The following REPS1 variants were observed in gnomAD, a reference collection of about 807,000 sequenced individuals.
REPS1 encodes the protein ralBP1-associated Eps domain-containing protein 1.
A neutral mutation model predicts 100.9 loss-of-function variants in REPS1; 39 were observed. That is an observed-to-expected ratio of 0.39 (90% CI 0.30 to 0.50). The LOEUF (loss-of-function observed/expected upper bound fraction) is 0.50. Among genes scored for constraint, REPS1 ranks in the 20% least tolerant of loss-of-function variants. The probability of loss-of-function intolerance (pLI) is 0.86; values close to 1 mark genes in which losing one functional copy is unlikely to be tolerated. For missense variants in REPS1, 821 were observed against 968.5 expected (o/e 0.85, Z 2.02); for synonymous variants, 324 against 340.3 (o/e 0.95, Z 0.53).
chr6:138,940,515 G>A (rs1782166759), intron 8 of REPS1, among the ~76,000 whole-genome samples: 1 of 152,072 alleles, frequency 6.6e-6, no homozygotes, highest in Non-Finnish European at 1.5e-5. Context: ...GGGAGGCCAA[G>A]GCGGGCAGAT....
intron 1 of REPS1, 36 bp downstream of exon 1, chr6:138,987,494 C>T: frequency 6.5e-7 from 1 of 1,531,672 alleles, no homozygotes; most frequent in East Asian, 2.5e-5. Context: ...TGACTGCAGG[C>T]CTAAGCCGCC....
intron 1 of REPS1, among the ~76,000 whole-genome samples, chr6:138,986,819 C>T (rs545230241): frequency 6.6e-6 from 1 of 152,292 alleles, no homozygotes; most frequent in South Asian, 2.1e-4. Context: ...AGGGTTTGCT[C>T]CTCCAGGGCT....
intron 9 of REPS1, chr6:138,927,894 A>G (rs1177103403): frequency 6.6e-6 from 1 of 152,208 alleles, no homozygotes; most frequent in Non-Finnish European, 1.5e-5. Context: ...CACAGAAGGA[A>G]GTTTTAAAAT....
At chr6:138,963,363 G>C (rs75551440) in intron 1 of REPS1, among the ~76,000 whole-genome samples, 205 of 152,146 alleles carry the variant, frequency 1.3e-3, no homozygotes, top group African/African-American at 4.6e-3. Flanking sequence ...AAGCTCCTTG[G>C]GGGCAGGACT....
At chr6:138,947,390 CA>C (rs1162833387) in intron 2 of REPS1, among the ~76,000 whole-genome samples, 1 of 151,976 alleles carries the variant, frequency 6.6e-6, no homozygotes, top group Non-Finnish European at 1.5e-5. Flanking sequence ...AACAAACAAA[CA>C]AAAATACAAA....
rs1582684104 is a variant in REPS1 at position 138,904,546 on chromosome 6, T to A, written c.*518A>T. ...GTAAAAGAGGCTTCAATGTACCACA[T>A]GATTTGTGAAGAATGTAGACGGCTG... On this transcript the variant is annotated 3_prime_UTR_variant, in exon 20 of 20. Transcript: ENST00000450536. 6.6e-6 allele frequency: 1 copy of A among 152,364 alleles called. No individual in the cohort carries two copies. The highest frequency in any genetic ancestry group is 1.5e-5 in the Non-Finnish European group (1 of 68,032). The allele number at this position is 152,364 out of a possible 1,614,324, so 9.4% of individuals were successfully genotyped here.
intron 8 of REPS1, among the ~76,000 whole-genome samples, chr6:138,935,859 G>GT (rs1781784079): frequency 8.8e-6 from 1 of 113,686 alleles, no homozygotes; most frequent in Non-Finnish European, 1.8e-5. Flanking sequence ...ATCTTGGCGG[G>GT]GGGGGGGGGC....
At chr6:138,977,345 G>C (rs1274073128) in intron 1 of REPS1, among the ~76,000 whole-genome samples, 1 of 152,088 alleles carries the variant, frequency 6.6e-6, no homozygotes, top group East Asian at 1.9e-4. Flanking sequence ...TTAGCATGTT[G>C]TTATTACAGA....
chr6:138,943,995 A>G lies in REPS1; in HGVS notation c.774T>C (p.Thr258=), dbSNP rs767747848. The G allele has an allele frequency of 1.9e-6, 3 of 1,613,842 alleles. No homozygotes were observed. The African/African-American group carries it at 4.0e-5, about 22-fold the overall frequency. ...CAATGGCAGTTGTAGCTGATGCTAC[A>G]GTTCGTACTGTTGTCTGGTCCTGTA... The part of the protein sequence containing the change: ...ASVQDQTTVR[T]VASATTAIEI... Residue 258 remains threonine (T), a synonymous_variant, in exon 6 of 20, where the codon ACT becomes ACC. Transcript: ENST00000450536.
intron 19 of REPS1, 178 bp downstream of exon 19, chr6:138,907,311 AAAGTGT>A: frequency 1.4e-5 from 2 of 143,750 alleles, no homozygotes; most frequent in East Asian, 5.9e-5. Flanking sequence ...AAAAAAAAAA[AAAGTGT>A]GTGTGTGTGT....
chr6:138,976,220 G>A (rs1484605828), intron 1 of REPS1, among the ~76,000 whole-genome samples: 1 of 152,004 alleles, frequency 6.6e-6, no homozygotes, highest in Non-Finnish European at 1.5e-5. Context: ...ATGATTTCTT[G>A]TTTCAAGGAT....
In REPS1 at chr6:138,976,186, T is replaced by C. The variant is rs542634823; in HGVS notation, c.153+11344A>G. On this transcript the variant is annotated intron_variant, in intron 1 of 19. Transcript: ENST00000450536. ...CACAAATGAGACACCAAAAAAAAAC[T>C]AGTATACTCTTAGTTTCCAGACAAT... 2.2e-4 allele frequency among the ~76,000 whole-genome samples: 34 copies of C among 152,244 alleles called. 1 individual carries two copies. The South Asian group carries it at 7.0e-3, about 32-fold the overall frequency.
chr6:138,916,725 T>C (rs1334223995), intron 13 of REPS1, among the ~76,000 whole-genome samples: 1 of 152,192 alleles, frequency 6.6e-6, no homozygotes, highest in East Asian at 1.9e-4. Context: ...GCAGAGGCCA[T>C]CTCATTTTAG....
chr6:138,986,974 A>G (rs1305812639), intron 1 of REPS1, among the ~76,000 whole-genome samples: 1 of 152,184 alleles, frequency 6.6e-6, no homozygotes, highest in Non-Finnish European at 1.5e-5. Flanking sequence ...TCTACAGATA[A>G]TTACAACTTC....
chr6:138,977,731 T>C (rs1472928702), intron 1 of REPS1, among the ~76,000 whole-genome samples: 4 of 152,238 alleles, frequency 2.6e-5, no homozygotes, highest in Admixed American at 2.0e-4. Context: ...TCTTTATTTG[T>C]ACAGGTATTT....
chr6:138,925,309 G>A (rs1157205460), intron 10 of REPS1, among the ~76,000 whole-genome samples: 3 of 152,158 alleles, frequency 2.0e-5, no homozygotes, highest in African/African-American at 7.2e-5. Flanking sequence ...AGAGGTTGCA[G>A]TGAGCTGAGA....
At chr6:138,954,791 G>C (rs1487438258) in intron 1 of REPS1, among the ~76,000 whole-genome samples, 1 of 152,172 alleles carries the variant, frequency 6.6e-6, no homozygotes, top group East Asian at 1.9e-4. Flanking sequence ...AAAGCAACTT[G>C]TAATAAAGCT....
intron 10 of REPS1, among the ~76,000 whole-genome samples, chr6:138,923,806 A>C (rs1018657385): frequency 2.6e-5 from 4 of 152,194 alleles, no homozygotes; most frequent in African/African-American, 4.8e-5. Flanking sequence ...GGAACTTTGC[A>C]CTGACTTTTA....
chr6:138,963,821 A>G (rs1200246351), intron 1 of REPS1, among the ~76,000 whole-genome samples: 1 of 152,188 alleles, frequency 6.6e-6, no homozygotes, highest in Non-Finnish European at 1.5e-5. Context: ...TTCTTTCCTT[A>G]CAAAAACAAC....
Sources: gnomAD v4.1 joint callset for allele counts (sites outside exome capture counted in the v4.1 genomes callset) on GRCh38, gnomAD v4.1.1 for gene constraint, MANE v1.5 for transcripts, NCBI Gene and HGNC (gene_info 2026-07-23, HGNC 2026-07-21) for gene names.